Variants in NIBAN1 observed in about 807,000 individuals in gnomAD.
NIBAN1 encodes niban apoptosis regulator 1.
In NIBAN1, 81 loss-of-function variants were observed where a neutral mutation model predicts 75.1. That is an observed-to-expected ratio of 1.08 (90% CI 0.90 to 1.30). The LOEUF (loss-of-function observed/expected upper bound fraction) is 1.30, where lower values mean the gene tolerates loss of function less well. Ranked by LOEUF, NIBAN1 falls within the 50% of genes most tolerant of loss-of-function variation. The probability of loss-of-function intolerance (pLI) is 0.00; values close to 1 mark genes in which losing one functional copy is unlikely to be tolerated. For missense variants in NIBAN1, 1,133 were observed against 1,128.1 expected, an observed-to-expected ratio of 1.00 and a Z score of -0.06; for synonymous variants, 436 against 424.8, an observed-to-expected ratio of 1.03 and a Z score of -0.32.
chr1:184,941,486 C>CA (rs1658085777), intron 1 of NIBAN1, among the ~76,000 whole-genome samples: 1 of 151,824 alleles, frequency 6.6e-6, no homozygotes, highest in Non-Finnish European at 1.5e-5. Context: ...CCTGTCTCTA[C>CA]AAAAAATACA....
At chr1:184,950,627 G>A (rs751841072) in intron 1 of NIBAN1, among the ~76,000 whole-genome samples, 3 of 152,150 alleles carry the variant, frequency 2.0e-5, no homozygotes, top group Non-Finnish European at 2.9e-5. Flanking sequence ...AAAGGCTATC[G>A]TGAAATATAG....
chr1:184,961,848 T>C (rs1658659616), intron 1 of NIBAN1, among the ~76,000 whole-genome samples: 1 of 152,258 alleles, frequency 6.6e-6, no homozygotes, highest in Non-Finnish European at 1.5e-5. Context: ...TAGACAGATC[T>C]CTTTTTAGCC....
chr1:184,893,988 C>T, intron 3 of NIBAN1, 87 bp downstream of exon 3: 2 of 1,388,976 alleles, frequency 1.4e-6, no homozygotes, highest in African/African-American at 1.5e-5. Context: ...TTAGTATAGC[C>T]TTGTAGGAAG....
At chr1:184,935,869 C>T (rs1032703253) in intron 1 of NIBAN1, among the ~76,000 whole-genome samples, 2 of 150,868 alleles carry the variant, frequency 1.3e-5, no homozygotes, top group Non-Finnish European at 2.9e-5. Context: ...GCTGAGAGAG[C>T]TCAACTTGGA....
chr1:184,948,999 A>T (rs993810923), intron 1 of NIBAN1, among the ~76,000 whole-genome samples: 4 of 152,086 alleles, frequency 2.6e-5, no homozygotes, highest in African/African-American at 9.7e-5. Flanking sequence ...GGCTTTTAAT[A>T]TTTTTCCCTA....
At chr1:184,942,732 G>T (rs2102051558) in intron 1 of NIBAN1, among the ~76,000 whole-genome samples, 1 of 150,770 alleles carries the variant, frequency 6.6e-6, no homozygotes, top group Middle Eastern at 3.5e-3. Flanking sequence ...GGTTCCTCCT[G>T]GACGCTGCCT....
chr1:184,822,974 G>T (rs189837032), intron 8 of NIBAN1, among the ~76,000 whole-genome samples, 193 bp downstream of exon 8: 6 of 151,998 alleles, frequency 3.9e-5, no homozygotes, highest in Non-Finnish European at 8.8e-5. Context: ...CCTCTGCCTT[G>T]TGTCCATGAA....
chr1:184,813,204 T>C (rs1654433586), intron 9 of NIBAN1, among the ~76,000 whole-genome samples: 1 of 151,802 alleles, frequency 6.6e-6, no homozygotes, highest in Non-Finnish European at 1.5e-5. Flanking sequence ...TGTTCTTCTG[T>C]CTGTCTGTCT....
chr1:184,879,488 A>C (rs768876744), intron 5 of NIBAN1, among the ~76,000 whole-genome samples: 3 of 152,158 alleles, frequency 2.0e-5, no homozygotes, highest in Non-Finnish European at 4.4e-5. Context: ...CACTAGATGC[A>C]TAGTCTCTCA....
chr1:184,839,978 T>A (rs1033527806), intron 5 of NIBAN1, among the ~76,000 whole-genome samples: 4 of 152,208 alleles, frequency 2.6e-5, no homozygotes, highest in Non-Finnish European at 5.9e-5. Context: ...AGTTTGATCA[T>A]AGATTAGAGA....
intron 5 of NIBAN1, among the ~76,000 whole-genome samples, chr1:184,857,189 G>A (rs146129860): frequency 5.1e-4 from 77 of 152,306 alleles, no homozygotes; most frequent in African/African-American, 1.7e-3. Context: ...GAGTCTGCAA[G>A]GCTTAGGGGC....
chr1:184,910,611 T>C (rs868647209), intron 1 of NIBAN1, among the ~76,000 whole-genome samples: 4 of 152,196 alleles, frequency 2.6e-5, no homozygotes, highest in Non-Finnish European at 5.9e-5. Context: ...AAAAACTACA[T>C]TGTCCAGAAG....
At chr1:184,897,250 T>C (rs1656823275) in intron 2 of NIBAN1, among the ~76,000 whole-genome samples, 1 of 151,448 alleles carries the variant, frequency 6.6e-6, no homozygotes, top group African/African-American at 2.4e-5. Flanking sequence ...TAGAGATCTT[T>C]CATCTCCTTG....
rs945698114 is a variant in NIBAN1, at chr1:184,792,337, T to C, written c.*2640A>G. ...AGTGCCCAGTCCTCCCTGACCTACA[T>C]GATGGATAAAGTTAGGGCACTGATG... On this transcript the variant is annotated 3_prime_UTR_variant, in exon 14 of 14. Coordinates refer to ENST00000367511, the MANE Select transcript of NIBAN1 (RefSeq NM_052966.4). 9.2e-5 allele frequency: 14 copies of C among 152,418 alleles called. No individual in the cohort carries two copies. The highest frequency in any genetic ancestry group is 2.7e-4 in the African/African-American group (11 of 41,468). 9.4% of individuals were successfully genotyped at this position (152,418 alleles called of 1,614,324 possible). A position where few individuals can be genotyped will look rare whatever the true frequency, so the allele number is the denominator to read the frequency against.
intron 2 of NIBAN1, among the ~76,000 whole-genome samples, chr1:184,897,074 G>C (rs550942091): frequency 6.6e-6 from 1 of 152,120 alleles, no homozygotes; most frequent in Non-Finnish European, 1.5e-5. Context: ...CTAATTTTGT[G>C]TAAGATGACA....
At chr1:184,913,764 A>T (rs967911698) in intron 1 of NIBAN1, among the ~76,000 whole-genome samples, 1 of 152,226 alleles carries the variant, frequency 6.6e-6, no homozygotes, top group Non-Finnish European at 1.5e-5. Flanking sequence ...CTGCCTAGAC[A>T]TAAGAGCAAC....
chr1:184,935,844 C>A (rs1657943553), intron 1 of NIBAN1, among the ~76,000 whole-genome samples: 1 of 149,526 alleles, frequency 6.7e-6, no homozygotes, highest in African/African-American at 2.5e-5. Flanking sequence ...CAATCCTTTT[C>A]CAGGAACCTA....
intron 1 of NIBAN1, among the ~76,000 whole-genome samples, chr1:184,935,398 C>G (rs758878380): frequency 6.6e-6 from 1 of 152,016 alleles, no homozygotes; most frequent in Non-Finnish European, 1.5e-5. Context: ...GTCCCAGCTA[C>G]TCAGAAGGCC....
At chr1:184,902,967 T>C (rs1656991735) in intron 1 of NIBAN1, among the ~76,000 whole-genome samples, 1 of 152,246 alleles carries the variant, frequency 6.6e-6, no homozygotes, top group African/African-American at 2.4e-5. Context: ...CTATTTAATA[T>C]TCCACAATGA....
Sources: allele counts gnomAD v4.1 joint callset (sites outside exome capture counted in the v4.1 genomes callset), GRCh38; gene constraint gnomAD v4.1.1; transcripts MANE v1.5; gene names NCBI Gene and HGNC (gene_info 2026-07-23, HGNC 2026-07-21).